Variants in SIL1 observed in about 807,000 individuals in gnomAD.
The protein encoded by SIL1 is SIL1 nucleotide exchange factor.
A neutral mutation model predicts 49.1 loss-of-function variants in SIL1; 40 were observed. That is an observed-to-expected ratio of 0.81 (90% CI 0.63 to 1.06). The LOEUF (loss-of-function observed/expected upper bound fraction) is 1.06, where lower values mean the gene tolerates loss of function less well. SIL1 is among the 50% of genes least tolerant of loss of function. The probability of loss-of-function intolerance (pLI) is 0.00; values close to 1 mark genes in which losing one functional copy is unlikely to be tolerated. For missense variants in SIL1, 500 were observed against 572.6 expected, an observed-to-expected ratio of 0.87 and a Z score of 1.29; for synonymous variants, 253 against 250.8, an observed-to-expected ratio of 1.01 and a Z score of -0.08.
intron 3 of SIL1, among the ~76,000 whole-genome samples, chr5:139,053,509 T>C (rs1769338392): frequency 6.6e-6 from 1 of 152,198 alleles, no homozygotes; most frequent in Non-Finnish European, 1.5e-5. Context: ...TTCTCCTGCT[T>C]CAAACCTTTT....
At chr5:139,058,548 T>C (rs1769508971) in intron 3 of SIL1, among the ~76,000 whole-genome samples, 1 of 152,110 alleles carries the variant, frequency 6.6e-6, no homozygotes, top group South Asian at 2.1e-4. Flanking sequence ...CAAGAAAAAA[T>C]TGTCACTCCT....
intron 3 of SIL1, among the ~76,000 whole-genome samples, chr5:139,054,509 T>A (rs563116148): frequency 6.6e-6 from 1 of 152,266 alleles, no homozygotes; most frequent in Non-Finnish European, 1.5e-5. Flanking sequence ...CAAGAAGGAT[T>A]TTTACTAGGG....
At chr5:139,110,376 T>C (rs1420366611) in intron 3 of SIL1, among the ~76,000 whole-genome samples, 1 of 151,486 alleles carries the variant, frequency 6.6e-6, no homozygotes, top group Non-Finnish European at 1.5e-5. Context: ...GATAAACTCA[T>C]TATGGCCATA....
At chr5:139,160,912 G>C (rs1160369699) in intron 1 of SIL1, among the ~76,000 whole-genome samples, 1 of 152,136 alleles carries the variant, frequency 6.6e-6, no homozygotes, top group African/African-American at 2.4e-5. Flanking sequence ...ATTCCAGAAG[G>C]ATAGGGGATA....
intron 7 of SIL1, among the ~76,000 whole-genome samples, chr5:138,961,630 A>G (rs1767021460): frequency 6.6e-6 from 1 of 151,836 alleles, no homozygotes; most frequent in Non-Finnish European, 1.5e-5. Flanking sequence ...CGGAGGTTGC[A>G]TCCACTTCTC....
chr5:139,101,477 G>A (rs1178958496), intron 3 of SIL1, among the ~76,000 whole-genome samples: 1 of 152,186 alleles, frequency 6.6e-6, no homozygotes, highest in African/African-American at 2.4e-5. Flanking sequence ...ATATTTATCA[G>A]TTATTGACCT....
chr5:139,104,112 G>A (rs1368374), intron 3 of SIL1, among the ~76,000 whole-genome samples: 26,373 of 152,214 alleles, frequency 0.17, 5,994 homozygotes, highest in African/African-American at 0.53. Context: ...GTCTCTCCCT[G>A]TGTGTCAGCC....
At chr5:139,082,965 G>A (rs1023942185) in intron 3 of SIL1, among the ~76,000 whole-genome samples, 1 of 152,212 alleles carries the variant, frequency 6.6e-6, no homozygotes, top group African/African-American at 2.4e-5. Flanking sequence ...GGAGAGAGCA[G>A]GCCAACTCAA....
At chr5:139,188,883 A>C (rs1453227864) in intron 1 of SIL1, among the ~76,000 whole-genome samples, 3 of 152,192 alleles carry the variant, frequency 2.0e-5, no homozygotes, top group African/African-American at 7.2e-5. Context: ...GCACCTGACA[A>C]GAGAGAACCT....
intron 1 of SIL1, among the ~76,000 whole-genome samples, chr5:139,139,595 T>C (rs1751041387): frequency 6.6e-6 from 1 of 152,244 alleles, no homozygotes; most frequent in Non-Finnish European, 1.5e-5. Context: ...GAACAGAATA[T>C]ACAAAAGATA....
At chr5:139,045,393 C>CA (rs1161527775) in intron 4 of SIL1, among the ~76,000 whole-genome samples, 1 of 152,060 alleles carries the variant, frequency 6.6e-6, no homozygotes, top group Admixed American at 6.6e-5. Flanking sequence ...TGGCTTGTTA[C>CA]CTCACTCTCA....
At chr5:139,053,424 C>T (rs2150456372) in intron 3 of SIL1, among the ~76,000 whole-genome samples, 1 of 152,352 alleles carries the variant, frequency 6.6e-6, no homozygotes, top group South Asian at 2.1e-4. Context: ...TAACTGGCCT[C>T]CCCGATTCAC....
At chr5:138,959,564 GC>G (rs1766973454) in intron 7 of SIL1, among the ~76,000 whole-genome samples, 1 of 152,238 alleles carries the variant, frequency 6.6e-6, no homozygotes, top group African/African-American at 2.4e-5. Context: ...TGACAGGTCA[GC>G]CCTTCTGAAA....
At chr5:139,016,879 C>T (rs925391336) in intron 7 of SIL1, 5 of 152,086 alleles carry the variant, frequency 3.3e-5, no homozygotes, top group African/African-American at 1.2e-4. Context: ...CAGGGCCTCA[C>T]TCTGTCACCT....
At chr5:139,156,270 T>G (rs1384456581) in intron 1 of SIL1, among the ~76,000 whole-genome samples, 4 of 152,172 alleles carry the variant, frequency 2.6e-5, no homozygotes, top group Non-Finnish European at 5.9e-5. Flanking sequence ...TCATTTTTAT[T>G]TTACAGATAA....
chr5:139,012,397 C>T (rs780893995), intron 7 of SIL1: 4 of 151,960 alleles, frequency 2.6e-5, no homozygotes, highest in African/African-American at 4.8e-5. Flanking sequence ...AGGTTGGGCC[C>T]GGTTAGTACT....
At chr5:138,979,806 C>G (rs1465437804) in intron 7 of SIL1, among the ~76,000 whole-genome samples, 1 of 152,150 alleles carries the variant, frequency 6.6e-6, no homozygotes, top group Non-Finnish European at 1.5e-5. Context: ...TCTAGAGGAG[C>G]TGTAAAGAGT....
chr5:138,962,542 C>T (rs914676885), intron 7 of SIL1, among the ~76,000 whole-genome samples: 2 of 152,188 alleles, frequency 1.3e-5, no homozygotes, highest in South Asian at 4.1e-4. Flanking sequence ...ATTTTATATA[C>T]ATAAACATAC....
intron 7 of SIL1, among the ~76,000 whole-genome samples, chr5:138,995,946 G>A (rs991842927): frequency 6.6e-6 from 1 of 152,134 alleles, no homozygotes; most frequent in East Asian, 1.9e-4. Flanking sequence ...CCACTGATGG[G>A]CATTTTGGTT....
Sources: allele counts gnomAD v4.1 joint callset (sites outside exome capture counted in the v4.1 genomes callset), GRCh38; gene constraint gnomAD v4.1.1; transcripts MANE v1.5; gene names NCBI Gene and HGNC (gene_info 2026-07-23, HGNC 2026-07-21).